Variants in TCF4 observed in about 807,000 individuals in gnomAD.
TCF4 encodes the protein transcription factor 4, also known as SL3-3 enhancer factor 2.
In TCF4, 3 loss-of-function variants were observed where a neutral mutation model predicts 82.1. That is an observed-to-expected ratio of 0.04 (90% CI 0.02 to 0.09). The LOEUF is 0.09. Ranked by LOEUF, TCF4 falls within the 10% of genes least tolerant of loss-of-function variation. The pLI, the probability that TCF4 is intolerant of heterozygous loss-of-function variation, is 1.00. For synonymous variants in TCF4, 276 were observed against 309.6 expected (o/e 0.89, Z 1.14); for missense variants, 518 against 852.7 (o/e 0.61, Z 4.89).
At chr18:55,586,150 GAGGAGCAGCAGCAGCAGCAGCAGC>G (rs2097644859) in intron 2 of TCF4, 180 of 1,221,076 alleles carry the variant, frequency 1.5e-4, no homozygotes, top group Admixed American at 2.9e-4. Flanking sequence ...GGAGGAGGAG[GAGGAGCAGCAGCAGCAGCAGCAGC>G]AGCAGCAGCA....
chr18:55,431,242 T>G (rs1465779738), intron 5 of TCF4, among the ~76,000 whole-genome samples: 2 of 152,178 alleles, frequency 1.3e-5, no homozygotes, highest in East Asian at 3.9e-4. Context: ...TCATCTAAAT[T>G]TGTGGAACCC....
Position 55,223,057 on chromosome 18 carries a change from A to T in TCF4, c.*4978T>A, listed in dbSNP as rs911482294. On this transcript the variant is annotated 3_prime_UTR_variant, in exon 20 of 20. Transcript: ENST00000354452. Reference sequence around the variant, plus strand: ...TGAAAAGATCTGAGAATGTTCTGCCAAACAGCCGACCAACTGGTGCAAAAG... The same window carrying T: ...TGAAAAGATCTGAGAATGTTCTGCCTAACAGCCGACCAACTGGTGCAAAAG... The T allele has an allele frequency of 6.6e-6, 1 of 152,258 alleles. No homozygotes were observed. Among genetic ancestry groups the T allele is most frequent in the African/African-American group, 2.4e-5 (1 of 41,462 alleles). 9.4% of individuals were successfully genotyped at this position (152,258 alleles called of 1,614,324 possible). A position where few individuals can be genotyped will look rare whatever the true frequency, so the allele number is the denominator to read the frequency against.
chr18:55,462,938 A>G (rs974661015), intron 4 of TCF4, among the ~76,000 whole-genome samples: 2 of 152,186 alleles, frequency 1.3e-5, no homozygotes, highest in Non-Finnish European at 2.9e-5. Flanking sequence ...AATGCCAAGG[A>G]CAGGTGGAAA....
chr18:55,492,055 C>T (rs1327620864), intron 3 of TCF4: 1 of 152,172 alleles, frequency 6.6e-6, no homozygotes, highest in African/African-American at 2.4e-5. Context: ...TCCTATTATA[C>T]TTGAGAAATC....
chr18:55,545,104 T>C (rs1041405373), intron 3 of TCF4, among the ~76,000 whole-genome samples: 1 of 152,194 alleles, frequency 6.6e-6, no homozygotes, highest in Non-Finnish European at 1.5e-5. Flanking sequence ...CTCTAGGACT[T>C]TGGAAAAGTG....
chr18:55,252,368 G>C (rs924722357), intron 15 of TCF4, among the ~76,000 whole-genome samples: 15 of 152,064 alleles, frequency 9.9e-5, no homozygotes, highest in East Asian at 3.9e-4. Flanking sequence ...TTGTGTGTGT[G>C]TGTGTGTGTG....
chr18:55,421,251 G>C (rs1322417627), intron 5 of TCF4, among the ~76,000 whole-genome samples: 1 of 152,104 alleles, frequency 6.6e-6, no homozygotes, highest in Non-Finnish European at 1.5e-5. Context: ...CAAAATAAAA[G>C]TTGGAAGAAG....
intron 3 of TCF4, among the ~76,000 whole-genome samples, chr18:55,556,212 G>A (rs1320619425): frequency 6.6e-6 from 1 of 151,798 alleles, no homozygotes; most frequent in Non-Finnish European, 1.5e-5. Flanking sequence ...GGAGTGAGTG[G>A]TTTTCCAGAA....
chr18:55,439,478 C>T, intron 5 of TCF4, among the ~76,000 whole-genome samples: 1 of 152,132 alleles, frequency 6.6e-6, no homozygotes, highest in East Asian at 1.9e-4. Flanking sequence ...GAAGAAGTGA[C>T]TTCAAAAACC....
chr18:55,357,545 C>T (rs902927614), intron 6 of TCF4, among the ~76,000 whole-genome samples: 3 of 152,144 alleles, frequency 2.0e-5, no homozygotes, highest in African/African-American at 4.8e-5. Context: ...GAATTAGCAA[C>T]ACTTTTGCTA....
At chr18:55,537,133 C>T (rs2097123862) in intron 3 of TCF4, among the ~76,000 whole-genome samples, 2 of 113,962 alleles carry the variant, frequency 1.8e-5, no homozygotes, top group South Asian at 2.7e-4. Flanking sequence ...GACTCCGTCT[C>T]GGAAAAAAAA....
At chr18:55,268,035 G>T (rs1163639593) in intron 11 of TCF4, 1 of 152,088 alleles carries the variant, frequency 6.6e-6, no homozygotes, top group Non-Finnish European at 1.5e-5. Flanking sequence ...GAGAGCTGTG[G>T]CTAAGCTGTC....
At chr18:55,630,419 G>T (rs1413613377) in intron 2 of TCF4, among the ~76,000 whole-genome samples, 2 of 152,002 alleles carry the variant, frequency 1.3e-5, no homozygotes, top group East Asian at 3.9e-4. Flanking sequence ...TAACATAAAG[G>T]CCCCTGACCT....
chr18:55,497,018 G>A (rs956210971), intron 3 of TCF4, among the ~76,000 whole-genome samples: 1 of 151,808 alleles, frequency 6.6e-6, no homozygotes, highest in Non-Finnish European at 1.5e-5. Flanking sequence ...AAAAAACATC[G>A]TTCTTTCTAA....
At chr18:55,543,814 C>T (rs1456558784) in intron 3 of TCF4, among the ~76,000 whole-genome samples, 1 of 151,964 alleles carries the variant, frequency 6.6e-6, no homozygotes, top group Non-Finnish European at 1.5e-5. Context: ...ATGCATGAGC[C>T]AATAATTCCC....
At chr18:55,606,380 A>G (rs983320361) in intron 2 of TCF4, among the ~76,000 whole-genome samples, 3 of 152,106 alleles carry the variant, frequency 2.0e-5, no homozygotes, top group African/African-American at 7.2e-5. Context: ...TGGGAATATT[A>G]ACGGAAATGT....
rs1280930659 is a variant in TCF4, at chr18:55,223,299, A to AT, written c.*4735dup. The stretch of plus-strand genomic sequence containing the variant: ...GATCAATCATGTGCTTTGCTTTTCA[A>AT]TTTGTTTTTGTGATTTTTTTTGTAT... On this transcript the variant is annotated 3_prime_UTR_variant, in exon 20 of 20. Transcript: ENST00000354452. 8.5e-5 allele frequency: 13 copies of AT among 152,384 alleles called. No individual in the cohort carries two copies. Among genetic ancestry groups the AT allele is most frequent in the Non-Finnish European group, 1.8e-4 (12 of 68,000 alleles). The allele number at this position is 152,384 out of a possible 1,614,324, so 9.4% of individuals were successfully genotyped here. A position where few individuals can be genotyped will look rare whatever the true frequency, so the allele number is the denominator to read the frequency against.
At chr18:55,604,044 C>T (rs2097699911) in intron 2 of TCF4, among the ~76,000 whole-genome samples, 1 of 152,182 alleles carries the variant, frequency 6.6e-6, no homozygotes, top group African/African-American at 2.4e-5. Flanking sequence ...CTTCCCATAA[C>T]TGTCACTGGC....
Position 55,529,995 on chromosome 18 carries a change from T to C in TCF4, c.145+55285A>G, listed in dbSNP as rs536265648. Among the ~76,000 whole-genome samples the C allele has an allele frequency of 4.8e-4, 73 of 152,264 alleles. 1 individual carries two copies. The highest frequency in any genetic ancestry group is 1.7e-3 in the African/African-American group (70 of 41,568). The stretch of plus-strand genomic sequence containing the variant: ...AGACTGCTGTTTCTGAGATAATACG[T>C]TAATTTCTGAAGAACAAAAGGTTCA... On this transcript the variant is annotated intron_variant, in intron 3 of 19. Coordinates refer to ENST00000354452, the MANE Select transcript of TCF4 (RefSeq NM_001083962.2).
Sources: allele counts gnomAD v4.1 joint callset (sites outside exome capture counted in the v4.1 genomes callset), GRCh38; gene constraint gnomAD v4.1.1; transcripts MANE v1.5; gene names NCBI Gene and HGNC (gene_info 2026-07-23, HGNC 2026-07-21).